The following ADK variants were observed in gnomAD, a reference collection of about 807,000 sequenced individuals.
The protein encoded by ADK is N6,N6-dimethyladenosine kinase.
In ADK, 24 loss-of-function variants were observed where a neutral mutation model predicts 44.7. The observed-to-expected ratio is 0.54, with a 90% confidence interval of 0.39 to 0.76. The LOEUF is 0.76. Among genes scored for constraint, ADK ranks in the 30% least tolerant of loss-of-function variants. The pLI is 0.00. For missense variants in ADK, 321 were observed against 425.1 expected (o/e 0.76, Z 2.15); for synonymous variants, 128 against 142.6 (o/e 0.90, Z 0.73).
chr10:74,342,898 A>T (rs1013447037), intron 4 of ADK, among the ~76,000 whole-genome samples: 2 of 151,982 alleles, frequency 1.3e-5, no homozygotes, highest in Admixed American at 6.6e-5. Flanking sequence ...ATGATTTTCT[A>T]TAAACAAAAC....
At chr10:74,505,507 C>A (rs1230784024) in intron 6 of ADK, among the ~76,000 whole-genome samples, 1 of 148,808 alleles carries the variant, frequency 6.7e-6, no homozygotes, top group Admixed American at 6.6e-5. Context: ...AACTCTTCAA[C>A]TTCCCCCCAC....
At chr10:74,349,561 A>G (rs1248064964) in intron 4 of ADK, among the ~76,000 whole-genome samples, 2 of 152,174 alleles carry the variant, frequency 1.3e-5, no homozygotes, top group East Asian at 1.9e-4. Flanking sequence ...TTCATGTATA[A>G]TAATATTAAC....
At chr10:74,573,759 A>G (rs1464470905) in intron 7 of ADK, among the ~76,000 whole-genome samples, 5 of 152,162 alleles carry the variant, frequency 3.3e-5, no homozygotes, top group African/African-American at 1.2e-4. Context: ...TTGATCTCAG[A>G]CTGCTGTGCT....
intron 3 of ADK, among the ~76,000 whole-genome samples, chr10:74,310,613 TTACTC>T (rs1840401292): frequency 6.6e-6 from 1 of 152,184 alleles, no homozygotes; most frequent in East Asian, 1.9e-4. Flanking sequence ...CTGCTTCTCT[TTACTC>T]TGTCCAGTGT....
chr10:74,224,834 A>G (rs1176375638), intron 3 of ADK, among the ~76,000 whole-genome samples: 1 of 152,236 alleles, frequency 6.6e-6, no homozygotes, highest in Non-Finnish European at 1.5e-5. Flanking sequence ...CATCTAGACT[A>G]AAGTCTTACT....
chr10:74,322,387 G>A (rs1840844873), intron 4 of ADK, among the ~76,000 whole-genome samples: 1 of 152,174 alleles, frequency 6.6e-6, no homozygotes, highest in East Asian at 1.9e-4. Flanking sequence ...AAAGTAGTAA[G>A]TATTAATTCT....
intron 1 of ADK, 70 bp from the exon 2 acceptor site, chr10:74,200,694 A>T: frequency 9.7e-7 from 1 of 1,029,442 alleles, no homozygotes. Flanking sequence ...AGTTATTTTT[A>T]TTTTGTGTAC....
intron 1 of ADK, among the ~76,000 whole-genome samples, chr10:74,200,515 A>T (rs1843339860): frequency 6.6e-6 from 1 of 150,734 alleles, no homozygotes; most frequent in South Asian, 2.1e-4. Context: ...AGGTATTCTC[A>T]TTGGTGTGAG....
chr10:74,359,088 GTCTT>G (rs1394780978), intron 4 of ADK, among the ~76,000 whole-genome samples: 1 of 151,982 alleles, frequency 6.6e-6, no homozygotes, highest in African/African-American at 2.4e-5. Context: ...TAACATTTAA[GTCTT>G]TCATCCATTT....
intron 6 of ADK, among the ~76,000 whole-genome samples, chr10:74,458,294 G>GTTT (rs1264523250): frequency 1.9e-5 from 2 of 104,090 alleles, no homozygotes; most frequent in Non-Finnish European, 4.0e-5. Flanking sequence ...CCACTCCCAG[G>GTTT]TTTTGTTTTT....
chr10:74,597,669 T>C (rs1851969089), intron 8 of ADK, among the ~76,000 whole-genome samples: 1 of 152,236 alleles, frequency 6.6e-6, no homozygotes, highest in Non-Finnish European at 1.5e-5. Flanking sequence ...ACAGAAGTGA[T>C]GTTCCTTTCT....
intron 3 of ADK, among the ~76,000 whole-genome samples, chr10:74,298,753 C>T (rs1418441880): frequency 8.5e-6 from 1 of 117,936 alleles, no homozygotes; most frequent in Non-Finnish European, 2.0e-5. Flanking sequence ...CAAAAAAACC[C>T]CCCAAAAAAA....
chr10:74,506,349 G>GT, intron 6 of ADK: 1 of 262,280 alleles, frequency 3.8e-6, no homozygotes, highest in Non-Finnish European at 7.6e-6. Context: ...AAGCAAGTCA[G>GT]CTTTTTTTTG....
At chr10:74,188,671 G>C (rs1474326316) in intron 1 of ADK, among the ~76,000 whole-genome samples, 1 of 152,028 alleles carries the variant, frequency 6.6e-6, no homozygotes. Context: ...TCCTCTTGTG[G>C]ATTTGATTTG....
intron 6 of ADK, among the ~76,000 whole-genome samples, chr10:74,501,737 C>T (rs73272273): frequency 3.3e-5 from 5 of 152,088 alleles, no homozygotes; most frequent in African/African-American, 7.2e-5. Context: ...AGAAAATGGA[C>T]GAAGCCAGAC....
chr10:74,378,554 C>T lies in ADK; in HGVS notation c.274-15587C>T, dbSNP rs139141883. ...TTAAAATAATACTATAATTTCTTTA[C>T]ATTGATCTTTTAAGATACAGTTTAT... On this transcript the variant is annotated intron_variant, in intron 4 of 10. Transcript: ENST00000539909. Among the ~76,000 whole-genome samples, 42 of 152,140 alleles carry T rather than the reference C, an allele frequency of 2.8e-4. No homozygotes were observed. The East Asian group carries it at 7.5e-3, about 27-fold the overall frequency.
intron 4 of ADK, among the ~76,000 whole-genome samples, chr10:74,347,270 G>A (rs1269437369): frequency 6.6e-6 from 1 of 152,012 alleles, no homozygotes; most frequent in Non-Finnish European, 1.5e-5. Context: ...AGTGGTTGCA[G>A]CCCACAGAGG....
intron 2 of ADK, among the ~76,000 whole-genome samples, chr10:74,219,151 T>C (rs1330256810): frequency 4.0e-5 from 6 of 151,756 alleles, no homozygotes; most frequent in African/African-American, 1.5e-4. Flanking sequence ...ACACATAGGC[T>C]CAAAATAAAA....
At chr10:74,287,982 CAAAAAAA>C (rs367569110) in intron 3 of ADK, among the ~76,000 whole-genome samples, 127 of 68,638 alleles carry the variant, frequency 1.9e-3, no homozygotes, top group Non-Finnish European at 2.9e-3. Flanking sequence ...GACCCTGTCT[CAAAAAAA>C]AAAAAAAAAA....
Sources: allele counts gnomAD v4.1 joint callset (sites outside exome capture counted in the v4.1 genomes callset), GRCh38; gene constraint gnomAD v4.1.1; transcripts MANE v1.5; gene names NCBI Gene and HGNC (gene_info 2026-07-23, HGNC 2026-07-21).